Variants in BCAS3 observed in about 807,000 individuals in gnomAD.
BCAS3 encodes BCAS3 microtubule associated cell migration factor.
In BCAS3, 53 loss-of-function variants were observed where a neutral mutation model predicts 116.1. The observed-to-expected ratio is 0.46, with a 90% CI of 0.37 to 0.57. BCAS3 has a LOEUF of 0.57. BCAS3 is among the 20% of genes least tolerant of loss of function. BCAS3 has a pLI of 0.00. For synonymous variants in BCAS3, 391 were observed against 408.2 expected, an observed-to-expected ratio of 0.96 and a Z score of 0.51; for missense variants, 917 against 1,165.4, an observed-to-expected ratio of 0.79 and a Z score of 3.10.
chr17:60,932,481 C>T (rs571946024), intron 13 of BCAS3, among the ~76,000 whole-genome samples: 2 of 152,264 alleles, frequency 1.3e-5, no homozygotes, highest in East Asian at 3.9e-4. Context: ...GTGGCTCACG[C>T]CTGTAATCCC....
At chr17:61,078,022 C>A (rs1022175739) in intron 20 of BCAS3, among the ~76,000 whole-genome samples, 1 of 152,096 alleles carries the variant, frequency 6.6e-6, no homozygotes, top group Admixed American at 6.5e-5. Flanking sequence ...ATGAGGCAAG[C>A]AACTGGTCCT....
At position 61,196,171 on chromosome 17, in the gene BCAS3, G is replaced by T. The variant is rs951693647; in HGVS notation, c.2425+111607G>T. Among the ~76,000 whole-genome samples, 1 of 152,174 alleles carries T rather than the reference G, an allele frequency of 6.6e-6. No individual in the cohort carries two copies. Among genetic ancestry groups the T allele is most frequent in the African/African-American group, 2.4e-5 (1 of 41,436 alleles). ...CTTGCTCTGACCCTATCTGAAATCA[G>T]TGTAGTCTGAACTACTAGAGAGACG... On this transcript the variant is annotated intron_variant, in intron 22 of 23. Transcript: ENST00000407086. This position sits in a 1 kb window ranked among gnomAD's most constrained non-coding sequence, Gnocchi z 4.7.
chr17:61,153,296 A>G (rs997160623), intron 22 of BCAS3, among the ~76,000 whole-genome samples: 1 of 152,230 alleles, frequency 6.6e-6, no homozygotes, highest in African/African-American at 2.4e-5. Context: ...CAAGTAAAGT[A>G]AAATGTTAGT....
At chr17:61,191,944 G>C (rs2080157092) in intron 22 of BCAS3, among the ~76,000 whole-genome samples, 1 of 151,614 alleles carries the variant, frequency 6.6e-6, no homozygotes, top group Non-Finnish European at 1.5e-5. Flanking sequence ...TTAGTTAGTT[G>C]AGAAACATAC....
intron 22 of BCAS3, among the ~76,000 whole-genome samples, chr17:61,301,292 G>T (rs887606448): frequency 6.6e-6 from 1 of 152,126 alleles, no homozygotes; most frequent in African/African-American, 2.4e-5. Context: ...TTCAGAAAAC[G>T]TTTCCCAATC....
At chr17:61,234,559 C>G (rs911150499) in intron 22 of BCAS3, among the ~76,000 whole-genome samples, 2 of 152,156 alleles carry the variant, frequency 1.3e-5, no homozygotes, top group African/African-American at 2.4e-5. Flanking sequence ...GTTTCCTTCT[C>G]CTTTGGTGGG....
At chr17:61,210,058 G>C (rs1034069656) in intron 22 of BCAS3, among the ~76,000 whole-genome samples, 1 of 152,162 alleles carries the variant, frequency 6.6e-6, no homozygotes, top group African/African-American at 2.4e-5. Context: ...GCCCACGCAG[G>C]GAAGTTCTGC....
At chr17:60,982,310 T>C (rs772239769) in intron 14 of BCAS3, among the ~76,000 whole-genome samples, 6 of 152,156 alleles carry the variant, frequency 3.9e-5, no homozygotes, top group Non-Finnish European at 7.4e-5. Flanking sequence ...TTTAAATTAA[T>C]TAATTTATTT....
chr17:61,293,625 C>G (rs1425968135), intron 22 of BCAS3, among the ~76,000 whole-genome samples: 2 of 152,158 alleles, frequency 1.3e-5, no homozygotes, highest in Non-Finnish European at 1.5e-5. Context: ...AAATCACAAC[C>G]CTCATGCTGT....
chr17:60,923,456 T>C lies in BCAS3; in HGVS notation c.994-951T>C, dbSNP rs558422017. On this transcript the variant is annotated intron_variant, in intron 12 of 23. Coordinates refer to ENST00000407086, the MANE Select transcript of BCAS3 (RefSeq NM_017679.5). ...ATAACTGTTCTGGTCATTTGCTCTGTATCTTTCAGGGCAGGAATAACATTT... is the reference window on the plus strand; with the variant it reads ...ATAACTGTTCTGGTCATTTGCTCTGCATCTTTCAGGGCAGGAATAACATTT... Among the ~76,000 whole-genome samples, 372 of 152,342 alleles carry C rather than the reference T, an allele frequency of 2.4e-3. 5 individuals carry two copies. Among genetic ancestry groups the C allele is most frequent in the East Asian group, 2.5e-3 (13 of 5,192 alleles).
chr17:61,081,767 A>T (rs571868518), intron 21 of BCAS3, among the ~76,000 whole-genome samples: 3 of 152,026 alleles, frequency 2.0e-5, no homozygotes, highest in African/African-American at 4.8e-5. Context: ...AACTATTGAG[A>T]TTCTCCTCAT....
intron 19 of BCAS3, among the ~76,000 whole-genome samples, chr17:61,058,495 C>G (rs1322390948): frequency 2.6e-5 from 4 of 152,118 alleles, no homozygotes; most frequent in African/African-American, 9.7e-5. Flanking sequence ...TTTCTGTGCT[C>G]TTTTCTAGAT....
chr17:61,085,769 G>A (rs931111301), intron 22 of BCAS3, among the ~76,000 whole-genome samples: 2 of 152,142 alleles, frequency 1.3e-5, no homozygotes, highest in South Asian at 4.1e-4. Context: ...ATGAGATATC[G>A]AGATAGGGAA....
intron 6 of BCAS3, among the ~76,000 whole-genome samples, chr17:60,793,341 C>G (rs926051666): frequency 1.3e-5 from 2 of 152,070 alleles, no homozygotes; most frequent in African/African-American, 2.4e-5. Flanking sequence ...TTGGTCCACC[C>G]GCCTCAGCCT....
At chr17:60,923,614 CTG>C (rs1413984061) in intron 12 of BCAS3, among the ~76,000 whole-genome samples, 1 of 152,166 alleles carries the variant, frequency 6.6e-6, no homozygotes, top group Non-Finnish European at 1.5e-5. Context: ...TCAAATTTCT[CTG>C]TGTCTAAATA....
At chr17:61,058,524 G>A (rs2069629111) in intron 19 of BCAS3, among the ~76,000 whole-genome samples, 1 of 152,058 alleles carries the variant, frequency 6.6e-6, no homozygotes, top group Non-Finnish European at 1.5e-5. Flanking sequence ...GTCATCCGTG[G>A]TTGCATCATG....
intron 22 of BCAS3, among the ~76,000 whole-genome samples, chr17:61,294,986 C>T (rs965984205): frequency 2.0e-5 from 3 of 152,220 alleles, no homozygotes; most frequent in African/African-American, 7.2e-5. Flanking sequence ...CTCCAAGCCT[C>T]TGATGACATC....
intron 7 of BCAS3, among the ~76,000 whole-genome samples, chr17:60,824,394 A>G (rs1449106113): frequency 2.0e-5 from 3 of 152,120 alleles, no homozygotes; most frequent in Non-Finnish European, 2.9e-5. Flanking sequence ...TTCCCAAGGG[A>G]CACATCTCAT....
chr17:60,738,836 G>T (rs1259600004), intron 5 of BCAS3, among the ~76,000 whole-genome samples: 1 of 152,094 alleles, frequency 6.6e-6, no homozygotes, highest in Non-Finnish European at 1.5e-5. Context: ...GCTCACTGTA[G>T]CCTCGAACTC....
Sources: allele counts gnomAD v4.1 joint callset (sites outside exome capture counted in the v4.1 genomes callset), GRCh38; gene constraint gnomAD v4.1.1; non-coding constraint Gnocchi (gnomAD v3.1); transcripts MANE v1.5; gene names NCBI Gene and HGNC (gene_info 2026-07-23, HGNC 2026-07-21).